PER3: variants seen among roughly 807,000 people sequenced by gnomAD.
PER3 encodes the protein period circadian regulator 3, also known as period circadian protein homolog 3.
PER3 carries 107 observed loss-of-function variants against 127.2 expected under a neutral mutation model. The ratio of observed to expected loss-of-function variants is 0.84; its 90% CI spans 0.72 to 0.99. The LOEUF (loss-of-function observed/expected upper bound fraction) is 0.99. Ranked by LOEUF, PER3 falls within the 50% of genes least tolerant of loss-of-function variation. The probability of loss-of-function intolerance (pLI) is 0.00; values close to 1 mark genes in which losing one functional copy is unlikely to be tolerated. For synonymous variants in PER3, 618 were observed against 585.8 expected (o/e 1.05, Z -0.79); for missense variants, 1,560 against 1,525.8 (o/e 1.02, Z -0.37).
chr1:7,797,636 TAAAAAA>T (rs34920317), intron 6 of PER3, among the ~76,000 whole-genome samples: 1 of 126,666 alleles, frequency 7.9e-6, no homozygotes, highest in South Asian at 2.5e-4. Context: ...ACTCCGTCTT[TAAAAAA>T]AAAAAAAAAA....
intron 6 of PER3, 65 bp downstream of exon 6, chr1:7,794,073 G>C: frequency 7.5e-7 from 1 of 1,339,868 alleles, no homozygotes; most frequent in South Asian, 1.2e-5. Flanking sequence ...TTTGCAGTTG[G>C]TTTGATTCTT....
rs760290260 is a variant in PER3, at chr1:7,803,859, C to T, written c.1136+11C>T. The T allele has an allele frequency of 1.2e-6, 2 of 1,605,724 alleles. No individual in the cohort carries two copies. The highest frequency in any genetic ancestry group is 1.7e-6 in the Non-Finnish European group (2 of 1,174,726). On this transcript the variant is annotated intron_variant, in intron 10 of 21. Coordinates refer to ENST00000377532, the MANE Select transcript of PER3 (RefSeq NM_001377275.1). Reference sequence around the variant, plus strand: ...GCATAAAGTTCGAACGTAAGCCAGTCAGTTTTCATATTTTCTAAAACATCT... The same window carrying T: ...GCATAAAGTTCGAACGTAAGCCAGTTAGTTTTCATATTTTCTAAAACATCT...
intron 14 of PER3, 61 bp from the exon 15 acceptor site, chr1:7,820,054 G>A (rs1458263197): frequency 9.0e-6 from 14 of 1,558,794 alleles, no homozygotes; most frequent in African/African-American, 1.4e-5. Flanking sequence ...AAAGCAAAGA[G>A]GTGGGAAATG....
At position 7,826,973 on chromosome 1, in the gene PER3, T is replaced by C. The variant is rs1401166178; in HGVS notation, c.2189-145T>C. The C allele has an allele frequency of 3.0e-6, 2 of 671,052 alleles. No homozygotes were observed. Among genetic ancestry groups the C allele is most frequent in the Non-Finnish European group, 5.1e-6 (2 of 395,384 alleles). The allele number at this position is 671,052 out of a possible 1,614,324, so 41.6% of individuals were successfully genotyped here. ...CAACTATTTTTATCCGGAATTTTGT[T>C]CATCTTTTTAGAGCCACTTTTTGTC... On this transcript the variant is annotated intron_variant, in intron 17 of 21. Transcript: ENST00000377532. This position sits in a 1 kb window ranked among gnomAD's most constrained non-coding sequence, Gnocchi z 4.2.
Position 7,819,291 on chromosome 1 carries a change from G to GT in PER3, c.1530dup (p.Lys511Ter). ...TCCCTTTATTCTGTTTCAGGTGAAT[G>GT]TAAGACCTTTACTTCCTTCCACCAA... On this transcript the variant is annotated frameshift_variant, in exon 14 of 22. Coordinates refer to ENST00000377532, the MANE Select transcript of PER3 (RefSeq NM_001377275.1). LOFTEE classifies it high-confidence loss of function. 5 of 1,613,526 alleles carry GT rather than the reference G, an allele frequency of 3.1e-6. No individual in the cohort carries two copies. Among genetic ancestry groups the GT allele is most frequent in the Non-Finnish European group, 4.2e-6 (5 of 1,179,528 alleles).
In PER3 at chr1:7,785,346, C is replaced by A. The variant is rs529506928; in HGVS notation, c.129-95C>A. ...CCTGTGGACTGATGCCGGTAGAGCA[C>A]TTAGAAACTTACCTGGCTTGCAGTT... is the stretch of plus-strand genomic sequence containing the variant. On this transcript the variant is annotated intron_variant, in intron 2 of 21. Transcript: ENST00000377532. 5.1e-6 allele frequency: 5 copies of A among 987,696 alleles called. No individual in the cohort carries two copies. In the South Asian group the frequency reaches 7.5e-5, roughly 15 times the overall value. The allele number at this position is 987,696 out of a possible 1,614,324, so 61.2% of individuals were successfully genotyped here.
intron 19 of PER3, 53 bp from the exon 20 acceptor site, chr1:7,835,709 G>T: frequency 1.6e-6 from 2 of 1,287,490 alleles, no homozygotes; most frequent in Non-Finnish European, 2.2e-6. Flanking sequence ...GAGCCAGTTT[G>T]GCAAATCAGT....
intron 21 of PER3, among the ~76,000 whole-genome samples, chr1:7,839,972 C>T (rs1429508844): frequency 6.6e-6 from 1 of 152,086 alleles, no homozygotes; most frequent in East Asian, 1.9e-4. Flanking sequence ...CTTTCTGCCT[C>T]TTTCTCTTTT....
Position 7,829,781 on chromosome 1 carries a change from G to A in PER3, c.2887-53G>A, listed in dbSNP as rs75000054. On this transcript the variant is annotated intron_variant, in intron 18 of 21. Coordinates refer to ENST00000377532, the MANE Select transcript of PER3 (RefSeq NM_001377275.1). ...AAACCATGAATAAAGGAGGACTACT[G>A]TATTTTGTGATAAGAAGATTAAAGT... 4.2e-6 allele frequency: 6 copies of A among 1,433,564 alleles called. No individual in the cohort carries two copies. The Admixed American group carries it at 6.9e-5, about 16-fold the overall frequency. 88.8% of individuals were successfully genotyped at this position (1,433,564 alleles called of 1,614,324 possible).
chr1:7,810,582 G>A lies in PER3; in HGVS notation c.1516G>A (p.Gly506Ser). Residue 506 changes from glycine to serine, a missense_variant, in exon 13 of 22, where the codon GGT becomes AGT. Gly to Ser is a moderately conservative substitution (Grantham distance 56). Transcript: ENST00000377532. The part of the protein sequence containing the change: ...EPNGGGESAN[G>S]GGECKTFTSF... ...GAATGGTGGTGGTGAGTCAGCGAAT[G>A]GTGGTGGTGAGTCAGCCGGCAGCCC... is the stretch of plus-strand genomic sequence containing the variant. 1.2e-6 allele frequency: 2 copies of A among 1,607,986 alleles called. No homozygotes were observed. The highest frequency in any genetic ancestry group is 1.3e-5 in the African/African-American group (1 of 74,778).
chr1:7,817,315 G>A (rs186648500), intron 13 of PER3, among the ~76,000 whole-genome samples: 5 of 152,188 alleles, frequency 3.3e-5, no homozygotes, highest in Non-Finnish European at 7.3e-5. Context: ...GAGAACCCAA[G>A]ATGAGATGCA....
intron 6 of PER3, among the ~76,000 whole-genome samples, chr1:7,797,641 A>G (rs990721703): frequency 6.6e-6 from 1 of 151,906 alleles, no homozygotes; most frequent in Non-Finnish European, 1.5e-5. Context: ...GTCTTTAAAA[A>G]AAAAAAAAAA....
At position 7,843,799 on chromosome 1, in the gene PER3, C is replaced by T. The variant is rs2097401252; in HGVS notation, c.*1044C>T. ...CCTCGCCCACAGGGTCCTGCAGGCT[C>T]CATCAGTCACCGCTTTCTATGGCGT... On this transcript the variant is annotated 3_prime_UTR_variant, in exon 22 of 22. Transcript: ENST00000377532. The T allele has an allele frequency of 1.4e-5, 9 of 641,754 alleles. No individual in the cohort carries two copies. The highest frequency in any genetic ancestry group is 1.7e-5 in the Non-Finnish European group (8 of 467,072). The allele number at this position is 641,754 out of a possible 1,614,324, so 39.8% of individuals were successfully genotyped here. A position where few individuals can be genotyped will look rare whatever the true frequency, so the allele number is the denominator to read the frequency against.
chr1:7,813,370 AG>A (rs763529038), intron 13 of PER3, among the ~76,000 whole-genome samples: 10 of 152,226 alleles, frequency 6.6e-5, no homozygotes, highest in Non-Finnish European at 1.2e-4. Context: ...ATGAAAGGCA[AG>A]TTCAAGACCT....
At chr1:7,825,927 C>T (rs1250413395) in intron 16 of PER3, among the ~76,000 whole-genome samples, 1 of 151,414 alleles carries the variant, frequency 6.6e-6, no homozygotes, top group African/African-American at 2.4e-5. Context: ...AAAATTTAGC[C>T]AGGCGTGGTG....
At chr1:7,839,636 C>G (rs1231294756) in intron 21 of PER3, among the ~76,000 whole-genome samples, 1 of 152,172 alleles carries the variant, frequency 6.6e-6, no homozygotes, top group Non-Finnish European at 1.5e-5. Flanking sequence ...CTTCACTTCT[C>G]CCTTACTTTT....
At chr1:7,834,374 A>G (rs1225372519) in intron 19 of PER3, among the ~76,000 whole-genome samples, 1 of 152,164 alleles carries the variant, frequency 6.6e-6, no homozygotes, top group African/African-American at 2.4e-5. Context: ...TTTAACGTGT[A>G]AAAAAACCCA....
At chr1:7,825,889 C>A (rs2097299083) in intron 16 of PER3, among the ~76,000 whole-genome samples, 1 of 97,668 alleles carries the variant, frequency 1.0e-5, no homozygotes. Context: ...GAAACTCCAT[C>A]TCAAAAAAAA....
intron 13 of PER3, 43 bp downstream of exon 13, chr1:7,810,631 T>A: frequency 6.4e-7 from 1 of 1,572,698 alleles, no homozygotes; most frequent in Non-Finnish European, 8.6e-7. Context: ...CCATGGGCTG[T>A]CACTCTCTGC....
Sources: allele counts gnomAD v4.1 joint callset (sites outside exome capture counted in the v4.1 genomes callset), GRCh38; gene constraint gnomAD v4.1.1; non-coding constraint Gnocchi (gnomAD v3.1); transcripts MANE v1.5; gene names NCBI Gene and HGNC (gene_info 2026-07-23, HGNC 2026-07-21).